CSMD1: variants seen among roughly 807,000 people sequenced by gnomAD.
The protein encoded by CSMD1 is CUB and Sushi multiple domains 1.
In CSMD1, 213 loss-of-function variants were observed where a neutral mutation model predicts 417.5. That is an observed-to-expected ratio of 0.51 (90% CI 0.46 to 0.57). CSMD1 has a LOEUF of 0.57. CSMD1 is among the 20% of genes least tolerant of loss of function. The probability of loss-of-function intolerance (pLI) is 0.00; values close to 1 mark genes in which losing one functional copy is unlikely to be tolerated. For missense variants in CSMD1, 6,923 were observed against 4,529.7 expected (o/e 1.53, Z -15.17); for synonymous variants, 2,862 against 1,736.8 (o/e 1.65, Z -16.11).
At chr8:4,288,380 T>G (rs908547354) in intron 3 of CSMD1, among the ~76,000 whole-genome samples, 2 of 152,186 alleles carry the variant, frequency 1.3e-5, no homozygotes, top group Non-Finnish European at 2.9e-5. Context: ...AGAGGCTATC[T>G]TACAAGAATG....
intron 26 of CSMD1, among the ~76,000 whole-genome samples, chr8:3,246,162 T>C (rs1038897738): frequency 2.0e-5 from 3 of 152,056 alleles, no homozygotes; most frequent in Admixed American, 6.6e-5. Context: ...TGGATTCCCA[T>C]CACTCTAGCT....
chr8:4,382,599 C>T lies in CSMD1; in HGVS notation c.415+37354G>A, dbSNP rs145673410. ...AGGAAAGTTAAAAGACTTGAGTATC[C>T]ATTAAATCTTAAAGGTCATACATAT... On this transcript the variant is annotated intron_variant, in intron 3 of 69. Transcript: ENST00000635120. Among the ~76,000 whole-genome samples the T allele has an allele frequency of 3.9e-4, 60 of 152,274 alleles. 1 individual carries two copies. The East Asian group carries it at 0.011, about 29-fold the overall frequency.
intron 1 of CSMD1, among the ~76,000 whole-genome samples, chr8:4,907,542 TTG>T (rs576861431): frequency 6.6e-4 from 64 of 96,422 alleles, no homozygotes; most frequent in Admixed American, 1.6e-3. Context: ...TATTTTTGGT[TTG>T]TGTTTCTTTT....
At chr8:3,607,733 G>C (rs1801690124) in intron 8 of CSMD1, among the ~76,000 whole-genome samples, 1 of 152,174 alleles carries the variant, frequency 6.6e-6, no homozygotes, top group Non-Finnish European at 1.5e-5. Flanking sequence ...CATATCAGTC[G>C]GTTTTGCCTA....
At chr8:3,630,903 G>C (rs766088574) in intron 7 of CSMD1, among the ~76,000 whole-genome samples, 1 of 152,194 alleles carries the variant, frequency 6.6e-6, no homozygotes. Context: ...GTCTGGATTA[G>C]AGAGCCGAGA....
chr8:4,394,038 G>A (rs768695351), intron 3 of CSMD1, among the ~76,000 whole-genome samples: 3 of 152,146 alleles, frequency 2.0e-5, no homozygotes, highest in South Asian at 2.1e-4. Context: ...ACACCTCAGT[G>A]AAGGGCTAAT....
intron 5 of CSMD1, among the ~76,000 whole-genome samples, chr8:3,866,503 C>A (rs369664951): frequency 1.3e-5 from 2 of 152,148 alleles, no homozygotes; most frequent in African/African-American, 4.8e-5. Flanking sequence ...GGGTGCCTGA[C>A]GTGGTAAAGC....
At chr8:3,281,654 G>A (rs1802747628) in intron 26 of CSMD1, among the ~76,000 whole-genome samples, 1 of 152,170 alleles carries the variant, frequency 6.6e-6, no homozygotes, top group Non-Finnish European at 1.5e-5. Context: ...AGTGAAAAGA[G>A]TGATTGCTAG....
At chr8:4,398,643 T>A (rs538235838) in intron 3 of CSMD1, among the ~76,000 whole-genome samples, 1 of 152,062 alleles carries the variant, frequency 6.6e-6, no homozygotes, top group East Asian at 1.9e-4. Flanking sequence ...GATCTGCCCC[T>A]CTTGGCCTCC....
At chr8:4,853,431 G>C (rs1402154699) in intron 1 of CSMD1, among the ~76,000 whole-genome samples, 1 of 152,198 alleles carries the variant, frequency 6.6e-6, no homozygotes, top group African/African-American at 2.4e-5. Context: ...CAATCCATAA[G>C]CTTGGCAGCT....
chr8:3,976,059 G>A lies in CSMD1; in HGVS notation c.818+21844C>T, dbSNP rs142690622. Among the ~76,000 whole-genome samples the A allele has an allele frequency of 4.4e-3, 666 of 151,730 alleles. 6 individuals are homozygous for A. Among genetic ancestry groups the A allele is most frequent in the African/African-American group, 0.015 (612 of 41,366 alleles). ...TATATACTGATTGAAATCTGTATTT[G>A]ATATGTTAAATTTTTTTGGGGGGGT... On this transcript the variant is annotated intron_variant, in intron 5 of 69. Coordinates refer to ENST00000635120, the MANE Select transcript of CSMD1 (RefSeq NM_033225.6).
chr8:3,384,269 A>G (rs938997083), intron 18 of CSMD1, among the ~76,000 whole-genome samples: 3 of 152,156 alleles, frequency 2.0e-5, no homozygotes, highest in South Asian at 2.1e-4. Flanking sequence ...TTGAATCTTT[A>G]TATCTTCAAT....
chr8:3,930,741 G>C (rs571708344), intron 5 of CSMD1, among the ~76,000 whole-genome samples: 1 of 150,500 alleles, frequency 6.6e-6, no homozygotes, highest in East Asian at 1.9e-4. Flanking sequence ...TTAAATTTAT[G>C]TTCAAGTGCT....
At chr8:4,595,351 T>C (rs1800203185) in intron 2 of CSMD1, among the ~76,000 whole-genome samples, 1 of 56,796 alleles carries the variant, frequency 1.8e-5, no homozygotes, top group African/African-American at 3.9e-5. Context: ...CAACAATTTA[T>C]CTGTTTATTC....
intron 5 of CSMD1, among the ~76,000 whole-genome samples, chr8:3,777,014 T>A (rs1052881611): frequency 5.3e-5 from 8 of 152,030 alleles, no homozygotes; most frequent in African/African-American, 1.9e-4. Context: ...ACATCTGACC[T>A]TAAATGCTGG....
At chr8:4,379,882 A>C (rs1207303407) in intron 3 of CSMD1, among the ~76,000 whole-genome samples, 1 of 152,170 alleles carries the variant, frequency 6.6e-6, no homozygotes, top group Non-Finnish European at 1.5e-5. Context: ...TGGCATGCTG[A>C]TGGAAGCCGT....
chr8:4,531,094 G>A (rs1423600205), intron 2 of CSMD1, among the ~76,000 whole-genome samples: 1 of 152,064 alleles, frequency 6.6e-6, no homozygotes, highest in Admixed American at 6.5e-5. Flanking sequence ...TGATTAACCT[G>A]GCTGAATCAT....
At chr8:4,253,907 C>CTTT (rs147795407) in intron 3 of CSMD1, among the ~76,000 whole-genome samples, 2 of 80,952 alleles carry the variant, frequency 2.5e-5, no homozygotes, top group African/African-American at 8.7e-5. Flanking sequence ...TTCCTTCCAT[C>CTTT]TTTTTTTTTT....
intron 3 of CSMD1, among the ~76,000 whole-genome samples, chr8:4,117,341 C>G (rs980281998): frequency 6.6e-6 from 1 of 151,032 alleles, no homozygotes; most frequent in Non-Finnish European, 1.5e-5. Flanking sequence ...TGTACCAACA[C>G]TGTCATCGCC....
Sources: gnomAD v4.1 joint callset for allele counts (sites outside exome capture counted in the v4.1 genomes callset) on GRCh38, gnomAD v4.1.1 for gene constraint, MANE v1.5 for transcripts, NCBI Gene and HGNC (gene_info 2026-07-23, HGNC 2026-07-21) for gene names.